ANKRD30BL: variants seen among roughly 807,000 people sequenced by gnomAD.
ANKRD30BL encodes the protein putative ankyrin repeat domain-containing protein 30B-like.
In ANKRD30BL, 20 loss-of-function variants were observed where a neutral mutation model predicts 18.4. That is an observed-to-expected ratio of 1.09 (90% CI 0.77 to 1.58). The LOEUF is 1.58. ANKRD30BL is among the 40% of genes most tolerant of loss of function. ANKRD30BL has a pLI of 0.00. For missense variants in ANKRD30BL, 224 were observed against 268.6 expected, an observed-to-expected ratio of 0.83 and a Z score of 1.16; for synonymous variants, 72 against 100.9, an observed-to-expected ratio of 0.71 and a Z score of 1.72.
chr2:132,149,869 C>A (rs942515743), intron 5 of ANKRD30BL, among the ~76,000 whole-genome samples: 2 of 152,038 alleles, frequency 1.3e-5, no homozygotes, highest in African/African-American at 4.8e-5. Flanking sequence ...GAATATATTT[C>A]TTCCTCTTTA....
chr2:132,221,921 G>C (rs1259000916), intron 1 of ANKRD30BL, among the ~76,000 whole-genome samples: 16 of 124,694 alleles, frequency 1.3e-4, no homozygotes, highest in Admixed American at 1.2e-3. Context: ...GGAGGTGGGG[G>C]GATCAGCCCC....
chr2:132,172,778 G>C (rs1688304495), intron 1 of ANKRD30BL, among the ~76,000 whole-genome samples: 1 of 151,530 alleles, frequency 6.6e-6, no homozygotes, highest in Non-Finnish European at 1.5e-5. Flanking sequence ...CACAATCTCA[G>C]CTCACTGAAA....
At position 132,229,534 on chromosome 2, in the gene ANKRD30BL, A is replaced by G. The variant is rs538366521; in HGVS notation, n.441+27995T>C. On this transcript the variant is annotated intron_variant and non_coding_transcript_variant, in intron 1 of 4. Coordinates refer to the ANKRD30BL transcript ENST00000470729. ...CTCATAGAGTTGAACATACCTCTTC[A>G]TAGCACAATTTAGAAACTCTCTTTT... Among the ~76,000 whole-genome samples, 1,471 of 152,302 alleles carry G rather than the reference A, an allele frequency of 9.7e-3. 20 individuals are homozygous for G. Among genetic ancestry groups the G allele is most frequent in the African/African-American group, 0.033 (1,371 of 41,576 alleles).
chr2:132,207,293 G>A (rs1017107295), intron 1 of ANKRD30BL, among the ~76,000 whole-genome samples: 10 of 152,076 alleles, frequency 6.6e-5, no homozygotes, highest in African/African-American at 1.2e-4. Flanking sequence ...CCAATCAGGA[G>A]ATAAACAAGT....
At chr2:132,181,560 C>T (rs564681876) in intron 1 of ANKRD30BL, among the ~76,000 whole-genome samples, 1 of 152,226 alleles carries the variant, frequency 6.6e-6, no homozygotes, top group Non-Finnish European at 1.5e-5. Context: ...CAGACACACA[C>T]ACACACTCAC....
chr2:132,192,353 C>T lies in ANKRD30BL; in HGVS notation n.442-35207G>A, dbSNP rs567748847. The stretch of plus-strand genomic sequence containing the variant: ...TATTCTTGCAGGTGTCAATGGTGGT[C>T]GCAGTGTGGCACACATGGCAATTCT... On this transcript the variant is annotated intron_variant and non_coding_transcript_variant, in intron 1 of 4. Coordinates refer to the ANKRD30BL transcript ENST00000470729. Among the ~76,000 whole-genome samples the T allele has an allele frequency of 7.5e-3, 1,135 of 152,146 alleles. 7 individuals are homozygous for T. Among genetic ancestry groups the T allele is most frequent in the African/African-American group, 0.025 (1,019 of 41,512 alleles).
intron 1 of ANKRD30BL, among the ~76,000 whole-genome samples, chr2:132,170,847 C>CT (rs555859809): frequency 5.3e-5 from 8 of 152,110 alleles, no homozygotes; most frequent in African/African-American, 9.6e-5. Context: ...TAAACTTTTT[C>CT]TTTTTTTTGA....
rs75620905 is a variant in ANKRD30BL, at chr2:132,254,291, C to G, written n.441+3238G>C. ...CCCATGCATGCGCCACAGGGGAACA[C>G]GGTCAGCCAAGGAGGAAGGACATGG... On this transcript the variant is annotated intron_variant and non_coding_transcript_variant, in intron 1 of 4. Coordinates refer to the ANKRD30BL transcript ENST00000470729. Among the ~76,000 whole-genome samples, 328 of 142,440 alleles carry G rather than the reference C, an allele frequency of 2.3e-3. 1 individual carries two copies. Among genetic ancestry groups the G allele is most frequent in the African/African-American group, 8.0e-3 (309 of 38,488 alleles). The allele number at this position is 142,440 out of a possible 152,430, so 93.4% of individuals were successfully genotyped here. A position where few individuals can be genotyped will look rare whatever the true frequency, so the allele number is the denominator to read the frequency against.
chr2:132,254,117 C>T (rs1336604331), intron 1 of ANKRD30BL, among the ~76,000 whole-genome samples: 1 of 152,030 alleles, frequency 6.6e-6, no homozygotes, highest in Non-Finnish European at 1.5e-5. Context: ...CCACTGCTCA[C>T]CAGGCTGCGA....
At chr2:132,244,820 C>T (rs930108603) in intron 1 of ANKRD30BL, among the ~76,000 whole-genome samples, 11 of 152,290 alleles carry the variant, frequency 7.2e-5, no homozygotes, top group African/African-American at 2.7e-4. Flanking sequence ...GCATTCATCT[C>T]ACAGAGTTGA....
chr2:132,170,473 T>C (rs1254835804), intron 1 of ANKRD30BL, among the ~76,000 whole-genome samples: 3 of 152,218 alleles, frequency 2.0e-5, no homozygotes, highest in Non-Finnish European at 4.4e-5. Flanking sequence ...TGTGCACTCC[T>C]GCCAGTGTGC....
chr2:132,180,254 G>T (rs1263327018), intron 1 of ANKRD30BL, among the ~76,000 whole-genome samples: 2 of 144,388 alleles, frequency 1.4e-5, no homozygotes, highest in Non-Finnish European at 3.0e-5. Flanking sequence ...CCTTTTCTAT[G>T]ATAAGATGCA....
chr2:132,175,013 T>C (rs1573816331), intron 1 of ANKRD30BL, among the ~76,000 whole-genome samples: 1 of 152,138 alleles, frequency 6.6e-6, no homozygotes, highest in African/African-American at 2.4e-5. Flanking sequence ...GTAAATTAAG[T>C]GAAAATATGA....
chr2:132,246,834 C>A (rs1210995162), intron 1 of ANKRD30BL, among the ~76,000 whole-genome samples: 1 of 151,348 alleles, frequency 6.6e-6, no homozygotes, highest in Non-Finnish European at 1.5e-5. Context: ...CAGAAGAATT[C>A]TCAGAAACTT....
chr2:132,195,606 C>A (rs1330740481), intron 1 of ANKRD30BL, among the ~76,000 whole-genome samples: 5 of 151,448 alleles, frequency 3.3e-5, no homozygotes, highest in Non-Finnish European at 7.4e-5. Flanking sequence ...GCCTGGCAAA[C>A]ACCGTGAAAC....
intron 1 of ANKRD30BL, 123 bp downstream of exon 1, chr2:132,161,365 G>C: frequency 1.0e-6 from 1 of 999,612 alleles, no homozygotes; most frequent in Non-Finnish European, 1.4e-6. Flanking sequence ...CGGCCGCCCC[G>C]CTGCCCGCCA....
intron 1 of ANKRD30BL, among the ~76,000 whole-genome samples, chr2:132,232,933 G>C (rs1383249587): frequency 2.0e-5 from 3 of 152,110 alleles, no homozygotes; most frequent in Non-Finnish European, 2.9e-5. Flanking sequence ...GGCAGCCAGA[G>C]AGAAAGGTCG....
chr2:132,214,165 A>T (rs949195103), intron 1 of ANKRD30BL, among the ~76,000 whole-genome samples: 1 of 152,058 alleles, frequency 6.6e-6, no homozygotes, highest in Non-Finnish European at 1.5e-5. Context: ...ATCTTCACAT[A>T]AAAACTATAC....
chr2:132,169,521 C>T (rs988359723), intron 1 of ANKRD30BL, among the ~76,000 whole-genome samples: 1 of 151,970 alleles, frequency 6.6e-6, no homozygotes, highest in Non-Finnish European at 1.5e-5. Context: ...GTGGTGCATG[C>T]CTGTAGTCTC....
Sources: allele counts gnomAD v4.1 joint callset (sites outside exome capture counted in the v4.1 genomes callset), GRCh38; gene constraint gnomAD v4.1.1; transcripts MANE v1.5; gene names NCBI Gene and HGNC (gene_info 2026-07-23, HGNC 2026-07-21).